ADGRV1: variants seen among roughly 807,000 people sequenced by gnomAD.
The protein encoded by ADGRV1 is G-protein coupled receptor 98.
In ADGRV1, 359 loss-of-function variants were observed where a neutral mutation model predicts 596.2. The ratio of observed to expected loss-of-function variants is 0.60; its 90% CI spans 0.55 to 0.66. The LOEUF (loss-of-function observed/expected upper bound fraction) is 0.66. Ranked by LOEUF, ADGRV1 falls within the 30% of genes least tolerant of loss-of-function variation. The pLI is 0.00. For synonymous variants in ADGRV1, 2,681 were observed against 2,679.2 expected (o/e 1.00, Z -0.02); for missense variants, 7,274 against 7,575.6 (o/e 0.96, Z 1.48).
At chr5:90,687,846 C>T (rs893850238) in intron 29 of ADGRV1, among the ~76,000 whole-genome samples, 102 of 152,048 alleles carry the variant, frequency 6.7e-4, no homozygotes, top group African/African-American at 2.1e-3. Context: ...TTACAAGGGA[C>T]GTGAAGGACC....
chr5:90,977,469 A>G (rs1176038764), intron 84 of ADGRV1, among the ~76,000 whole-genome samples: 1 of 152,236 alleles, frequency 6.6e-6, no homozygotes, highest in Non-Finnish European at 1.5e-5. Flanking sequence ...TTCATATACC[A>G]TGAAAATTAT....
chr5:90,938,997 A>C (rs1159069964), intron 83 of ADGRV1, among the ~76,000 whole-genome samples: 1 of 152,170 alleles, frequency 6.6e-6, no homozygotes, highest in African/African-American at 2.4e-5. Context: ...ATGCTGGTGG[A>C]AGACTATCAG....
intron 84 of ADGRV1, among the ~76,000 whole-genome samples, chr5:90,982,169 C>G (rs1342636160): frequency 6.6e-6 from 1 of 152,174 alleles, no homozygotes; most frequent in African/African-American, 2.4e-5. Context: ...ACACTTAATT[C>G]ATTGTTTAAT....
intron 85 of ADGRV1, among the ~76,000 whole-genome samples, chr5:91,029,244 C>T (rs1784287177): frequency 6.6e-6 from 1 of 152,188 alleles, no homozygotes; most frequent in South Asian, 2.1e-4. Context: ...ATGTACCTAT[C>T]CTTCAGCAAT....
chr5:91,141,653 C>G (rs1186415401), intron 87 of ADGRV1, among the ~76,000 whole-genome samples: 1 of 152,168 alleles, frequency 6.6e-6, no homozygotes, highest in Non-Finnish European at 1.5e-5. Context: ...GAAAAATATA[C>G]AAATGCAGAA....
chr5:90,966,713 A>G (rs1207894687), intron 84 of ADGRV1, among the ~76,000 whole-genome samples: 6 of 152,008 alleles, frequency 3.9e-5, no homozygotes, highest in Non-Finnish European at 8.8e-5. Flanking sequence ...AGAAATTTCA[A>G]TTTTCCTTTT....
At position 90,647,571 on chromosome 5, in the gene ADGRV1, G is replaced by A; in HGVS notation, c.3096G>A (p.Val1032=). The change falls in exon 17 of 90, where the codon GTG becomes GTA. Residue 1032 remains valine, a synonymous_variant. Transcript: ENST00000405460. The part of the protein sequence containing the change: ...FTVLRNGSVD[V]TCMVQYATKD... The stretch of plus-strand genomic sequence containing the variant: ...TTCTCAGAAATGGATCTGTTGATGT[G>A]ACTTGCATGGTCCAGTATGCTACCA... The A allele has an allele frequency of 6.2e-7, 1 of 1,613,892 alleles. No homozygotes were observed. The highest frequency in any genetic ancestry group is 8.5e-7 in the Non-Finnish European group (1 of 1,179,788).
At position 90,588,985 on chromosome 5, in the gene ADGRV1, A is replaced by C. The variant is rs16868809; in HGVS notation, c.23-25850A>C. On this transcript the variant is annotated intron_variant, in intron 1 of 89. Transcript: ENST00000405460. ...GGAATTAAAAGAGCATCAAACTAAA[A>C]TTTTCAGTCAGAATAATAAGAAGCT... 7.6e-3 allele frequency among the ~76,000 whole-genome samples: 1,160 copies of C among 152,302 alleles called. 17 individuals carry two copies. The highest frequency in any genetic ancestry group is 0.026 in the African/African-American group (1,069 of 41,552).
intron 20 of ADGRV1, chr5:90,654,301 G>A (rs1769083293): frequency 3.3e-6 from 1 of 298,766 alleles, no homozygotes; most frequent in South Asian, 3.5e-5. Context: ...TATTCCTGCA[G>A]AGGAATGAAC....
intron 77 of ADGRV1, among the ~76,000 whole-genome samples, chr5:90,837,471 A>G (rs750942562): frequency 3.3e-5 from 5 of 151,214 alleles, no homozygotes; most frequent in Non-Finnish European, 5.9e-5. Context: ...CCTGGGTTCA[A>G]GCTATTCTCC....
Position 90,754,883 on chromosome 5 carries a change from G to C in ADGRV1, c.11378-100G>C, listed in dbSNP as rs1755660975. The C allele has an allele frequency of 3.8e-6, 3 of 790,140 alleles. No homozygotes were observed. The South Asian group carries it at 5.3e-5, about 14-fold the overall frequency. The allele number at this position is 790,140 out of a possible 1,614,324, so 48.9% of individuals were successfully genotyped here. Reference sequence around the variant, plus strand: ...TTGTTTTACTTCTTTTTCCTTAACTGTCTACAAGGGATAGAGTAGAGTGTT... The same window carrying C: ...TTGTTTTACTTCTTTTTCCTTAACTCTCTACAAGGGATAGAGTAGAGTGTT... On this transcript the variant is annotated intron_variant, in intron 54 of 89. Coordinates refer to ENST00000405460, the MANE Select transcript of ADGRV1 (RefSeq NM_032119.4).
At chr5:91,140,247 A>T (rs1794983605) in intron 87 of ADGRV1, among the ~76,000 whole-genome samples, 1 of 152,114 alleles carries the variant, frequency 6.6e-6, no homozygotes, top group African/African-American at 2.4e-5. Context: ...CTCCTCCCTT[A>T]TTATTATTGG....
intron 54 of ADGRV1, 132 bp from the exon 55 acceptor site, chr5:90,754,851 A>G: frequency 3.1e-6 from 2 of 644,280 alleles, no homozygotes; most frequent in Non-Finnish European, 2.7e-6. Context: ...GGGAGTATAC[A>G]TTGTCTTTGT....
chr5:91,162,952 CCCTATGACCACAT>C (rs1411879335), intron 89 of ADGRV1, among the ~76,000 whole-genome samples: 1 of 152,130 alleles, frequency 6.6e-6, no homozygotes, highest in Non-Finnish European at 1.5e-5. Flanking sequence ...ATCCAGCACA[CCCTATGACCACAT>C]CCCCATTGTG....
rs4916815 is a variant in ADGRV1, at chr5:90,725,682, G to A, written c.10161+26G>A. 4 of 945,576 alleles carry A rather than the reference G, an allele frequency of 4.2e-6. No homozygotes were observed. The Admixed American group carries it at 9.3e-5, about 22-fold the overall frequency. 58.6% of individuals were successfully genotyped at this position (945,576 alleles called of 1,614,324 possible). ...GTTTGATTCTTTTAAAATGAAGTGG[G>A]TTTTTTTTTGCTTTTCTTTTTAACA... On this transcript the variant is annotated intron_variant, in intron 48 of 89. Coordinates refer to ENST00000405460, the MANE Select transcript of ADGRV1 (RefSeq NM_032119.4).
chr5:90,596,279 G>T (rs550885247), intron 1 of ADGRV1, among the ~76,000 whole-genome samples: 1 of 151,306 alleles, frequency 6.6e-6, no homozygotes, highest in Non-Finnish European at 1.5e-5. Flanking sequence ...GATGGCCGCC[G>T]GGCAGAGACG....
chr5:90,919,548 T>C (rs1773688095), intron 83 of ADGRV1, among the ~76,000 whole-genome samples: 1 of 152,246 alleles, frequency 6.6e-6, no homozygotes, highest in South Asian at 2.1e-4. Flanking sequence ...TTCCTCAAAG[T>C]GATCTCTTTT....
chr5:91,021,297 CAAGT>C (rs1279338188), intron 85 of ADGRV1, among the ~76,000 whole-genome samples: 3 of 152,034 alleles, frequency 2.0e-5, no homozygotes, highest in Non-Finnish European at 4.4e-5. Context: ...CACTTACCAG[CAAGT>C]AAGATATGAC....
At chr5:90,873,370 G>GTA (rs1768893555) in intron 83 of ADGRV1, among the ~76,000 whole-genome samples, 2 of 152,166 alleles carry the variant, frequency 1.3e-5, no homozygotes, top group Non-Finnish European at 2.9e-5. Context: ...ACTGAAACAT[G>GTA]TCAAATATCA....
Sources: gnomAD v4.1 joint callset for allele counts (sites outside exome capture counted in the v4.1 genomes callset) on GRCh38, gnomAD v4.1.1 for gene constraint, MANE v1.5 for transcripts, NCBI Gene and HGNC (gene_info 2026-07-23, HGNC 2026-07-21) for gene names.